Variants in NAALADL2 observed in about 807,000 individuals in gnomAD.
NAALADL2 encodes the protein inactive N-acetylated-alpha-linked acidic dipeptidase-like protein 2.
In NAALADL2, 76 loss-of-function variants were observed where a neutral mutation model predicts 87.2. The ratio of observed to expected loss-of-function variants is 0.87; its 90% CI spans 0.72 to 1.05. The LOEUF (loss-of-function observed/expected upper bound fraction) is 1.05. Among genes scored for constraint, NAALADL2 ranks in the 50% least tolerant of loss-of-function variants. NAALADL2 has a pLI of 0.00. For synonymous variants in NAALADL2, 354 were observed against 331.0 expected (o/e 1.07, Z -0.75); for missense variants, 1,089 against 945.8 (o/e 1.15, Z -1.99).
At chr3:174,892,114 A>G (rs1407908787) in intron 1 of NAALADL2, among the ~76,000 whole-genome samples, 1 of 152,134 alleles carries the variant, frequency 6.6e-6, no homozygotes, top group African/African-American at 2.4e-5. Context: ...TACAAATAAT[A>G]TGAGGCGGTA....
chr3:175,587,073 T>G (rs1029125090), intron 10 of NAALADL2, among the ~76,000 whole-genome samples: 4 of 152,190 alleles, frequency 2.6e-5, no homozygotes, highest in African/African-American at 9.6e-5. Flanking sequence ...TCCACGGATG[T>G]GCATGGCCCT....
chr3:175,003,410 C>A (rs1052523011), intron 1 of NAALADL2, among the ~76,000 whole-genome samples: 1 of 152,196 alleles, frequency 6.6e-6, no homozygotes, highest in Non-Finnish European at 1.5e-5. Context: ...GAGCAGCATG[C>A]TAGCAGCAAT....
chr3:174,950,672 C>T (rs1483192670), intron 1 of NAALADL2, among the ~76,000 whole-genome samples: 1 of 152,042 alleles, frequency 6.6e-6, no homozygotes, highest in Non-Finnish European at 1.5e-5. Context: ...TTGTGCACAA[C>T]TTTGTTTTAA....
At chr3:175,029,176 G>A (rs1194915706) in intron 1 of NAALADL2, among the ~76,000 whole-genome samples, 5 of 151,788 alleles carry the variant, frequency 3.3e-5, no homozygotes, top group African/African-American at 1.2e-4. Context: ...GATGTATGGT[G>A]GAAAAACTAC....
intron 5 of NAALADL2, among the ~76,000 whole-genome samples, chr3:175,370,574 TAAGA>T (rs1766348446): frequency 6.6e-6 from 1 of 152,110 alleles, no homozygotes; most frequent in Non-Finnish European, 1.5e-5. Context: ...CTGATGGCCG[TAAGA>T]GTCACTTGCT....
chr3:175,325,677 A>G (rs1321713998), intron 5 of NAALADL2, among the ~76,000 whole-genome samples: 2 of 152,194 alleles, frequency 1.3e-5, no homozygotes, highest in African/African-American at 4.8e-5. Context: ...ATTACTCAAC[A>G]TTTTCTTGCC....
At chr3:174,453,750 C>A (rs985819241) in intron 1 of NAALADL2, among the ~76,000 whole-genome samples, 2 of 152,184 alleles carry the variant, frequency 1.3e-5, no homozygotes, top group Non-Finnish European at 2.9e-5. Flanking sequence ...TTTACAAGAG[C>A]TCCTAAAGGA....
intron 3 of NAALADL2, among the ~76,000 whole-genome samples, chr3:174,752,684 CT>C (rs1187351140): frequency 6.6e-6 from 1 of 151,500 alleles, no homozygotes; most frequent in Non-Finnish European, 1.5e-5. Flanking sequence ...TATCCCATTC[CT>C]TTTCTCTCTT....
intron 1 of NAALADL2, among the ~76,000 whole-genome samples, chr3:175,055,784 G>A (rs1712017059): frequency 1.3e-5 from 2 of 152,124 alleles, no homozygotes; most frequent in Non-Finnish European, 2.9e-5. Flanking sequence ...GCTTCCCACA[G>A]TTAAAACAAG....
chr3:175,702,489 G>T (rs936525230), intron 11 of NAALADL2, among the ~76,000 whole-genome samples: 1 of 151,878 alleles, frequency 6.6e-6, no homozygotes, highest in Non-Finnish European at 1.5e-5. Flanking sequence ...AACTAAAAAA[G>T]AATCACTGCC....
chr3:174,993,247 A>G (rs908528777), intron 1 of NAALADL2, among the ~76,000 whole-genome samples: 9 of 152,114 alleles, frequency 5.9e-5, no homozygotes, highest in African/African-American at 2.2e-4. Context: ...TCAGAGAAAG[A>G]GTTATAAGGA....
chr3:174,727,196 G>GT (rs1411990269), intron 2 of NAALADL2, among the ~76,000 whole-genome samples: 1,957 of 138,676 alleles, frequency 0.014, 46 homozygotes, highest in African/African-American at 0.049. Flanking sequence ...TTGTTTTCTT[G>GT]TTTTTTTTTC....
At chr3:175,244,612 T>G (rs1747606479) in intron 3 of NAALADL2, among the ~76,000 whole-genome samples, 1 of 152,208 alleles carries the variant, frequency 6.6e-6, no homozygotes, top group Non-Finnish European at 1.5e-5. Flanking sequence ...TAACTTTTTA[T>G]TTCAAAATTT....
intron 9 of NAALADL2, among the ~76,000 whole-genome samples, chr3:175,537,565 AT>A (rs1711514729): frequency 6.6e-6 from 1 of 152,224 alleles, no homozygotes; most frequent in Non-Finnish European, 1.5e-5. Flanking sequence ...AAAGTACCAT[AT>A]AACCACATCA....
chr3:174,505,746 T>C (rs1305067276), intron 1 of NAALADL2, among the ~76,000 whole-genome samples: 1 of 152,230 alleles, frequency 6.6e-6, no homozygotes, highest in Non-Finnish European at 1.5e-5. Context: ...TTATGTAAAC[T>C]TTGATTATGA....
At chr3:175,209,017 T>C (rs1049065829) in intron 2 of NAALADL2, among the ~76,000 whole-genome samples, 2 of 150,986 alleles carry the variant, frequency 1.3e-5, no homozygotes, top group Non-Finnish European at 2.9e-5. Context: ...ACAAAGGAAC[T>C]TCTATTCTGA....
chr3:174,789,646 A>G (rs918465951), intron 3 of NAALADL2, among the ~76,000 whole-genome samples: 4 of 152,206 alleles, frequency 2.6e-5, no homozygotes, highest in African/African-American at 9.6e-5. Flanking sequence ...CCAAGGAGGT[A>G]AACAGAACCT....
At chr3:174,965,166 G>A (rs1343820836) in intron 1 of NAALADL2, among the ~76,000 whole-genome samples, 1 of 152,120 alleles carries the variant, frequency 6.6e-6, no homozygotes, top group Non-Finnish European at 1.5e-5. Flanking sequence ...CCTGTAAGAT[G>A]GCTTAGTCAC....
At chr3:175,642,104 C>T (rs1729367995) in intron 11 of NAALADL2, among the ~76,000 whole-genome samples, 1 of 152,134 alleles carries the variant, frequency 6.6e-6, no homozygotes, top group South Asian at 2.1e-4. Flanking sequence ...AATCACCATC[C>T]CAAATCTTTA....
Sources: allele counts gnomAD v4.1 joint callset (sites outside exome capture counted in the v4.1 genomes callset), GRCh38; gene constraint gnomAD v4.1.1; transcripts MANE v1.5; gene names NCBI Gene and HGNC (gene_info 2026-07-23, HGNC 2026-07-21).